Variants in HAPLN1 observed in about 807,000 individuals in gnomAD.
HAPLN1 encodes hyaluronan and proteoglycan link protein 1, also known as Cartilage link protein.
Under a neutral mutation model 36.5 loss-of-function variants are expected in HAPLN1, and 13 were observed. The ratio of observed to expected loss-of-function variants is 0.36; its 90% CI spans 0.23 to 0.57. The LOEUF is 0.57. HAPLN1 is among the 20% of genes least tolerant of loss of function. HAPLN1 has a pLI of 0.83. For synonymous variants in HAPLN1, 202 were observed against 169.8 expected (o/e 1.19, Z -1.48); for missense variants, 407 against 439.7 (o/e 0.93, Z 0.66).
At position 83,648,395 on chromosome 5, in the gene HAPLN1, CTATATATA is replaced by C. The variant is rs56115447; in HGVS notation, c.473-3738_473-3731del. 4.0e-3 allele frequency among the ~76,000 whole-genome samples: 242 copies of C among 60,660 alleles called. 1 individual carries two copies. Among genetic ancestry groups the C allele is most frequent in the East Asian group, 0.014 (14 of 1,006 alleles). The allele number at this position is 60,660 out of a possible 152,430, so 39.8% of individuals were successfully genotyped here. The stretch of plus-strand genomic sequence containing the variant: ...GGATGTGGCCTCTTCCTATATTTGA[CTATATATA>C]TATATATATATATATATATATATAT... On this transcript the variant is annotated intron_variant, in intron 3 of 4. Transcript: ENST00000274341.
intron 1 of HAPLN1, among the ~76,000 whole-genome samples, chr5:83,715,847 A>G (rs1488491925): frequency 6.6e-6 from 1 of 152,186 alleles, no homozygotes; most frequent in Non-Finnish European, 1.5e-5. Flanking sequence ...TAATACCAAA[A>G]CTATGAGGCC....
chr5:83,700,523 A>G (rs146130318), intron 1 of HAPLN1, among the ~76,000 whole-genome samples: 21 of 152,284 alleles, frequency 1.4e-4, no homozygotes, highest in African/African-American at 4.8e-4. Context: ...AATTTTGCAA[A>G]TGAGGAGAAA....
At chr5:83,676,870 A>G (rs928639837) in intron 1 of HAPLN1, among the ~76,000 whole-genome samples, 1 of 152,210 alleles carries the variant, frequency 6.6e-6, no homozygotes. Context: ...AGATGAATCC[A>G]AACTGAAATG....
chr5:83,720,002 C>A (rs556233394), intron 1 of HAPLN1, among the ~76,000 whole-genome samples: 1 of 152,282 alleles, frequency 6.6e-6, no homozygotes, highest in South Asian at 2.1e-4. Flanking sequence ...AACTTATTCT[C>A]AAATTAATAA....
At chr5:83,712,306 T>C (rs759203932) in intron 1 of HAPLN1, among the ~76,000 whole-genome samples, 1 of 152,138 alleles carries the variant, frequency 6.6e-6, no homozygotes, top group Non-Finnish European at 1.5e-5. Context: ...GAATGTATGG[T>C]CCTTAATTTA....
At chr5:83,696,962 A>G (rs1226442129) in intron 1 of HAPLN1, among the ~76,000 whole-genome samples, 1 of 152,144 alleles carries the variant, frequency 6.6e-6, no homozygotes, top group Non-Finnish European at 1.5e-5. Context: ...ACATTCCTCA[A>G]GTTGTGCAAC....
intron 1 of HAPLN1, among the ~76,000 whole-genome samples, chr5:83,710,313 C>A (rs967516407): frequency 6.6e-6 from 1 of 152,092 alleles, no homozygotes; most frequent in South Asian, 2.1e-4. Flanking sequence ...GATAGATTAA[C>A]CATAGAAGCC....
rs1749614941 is a variant in HAPLN1 at position 83,639,372 on chromosome 5, C to T, written c.*2124G>A. 2.6e-5 allele frequency: 4 copies of T among 151,976 alleles called. No homozygotes were observed. In the South Asian group the frequency reaches 8.3e-4, roughly 31 times the overall value. 9.4% of individuals were successfully genotyped at this position (151,976 alleles called of 1,614,324 possible). ...CAGAGATTTTGATCAGCACCAATTC[C>T]TATAGTAGTAAGTATTTAAAAGTTA... On this transcript the variant is annotated 3_prime_UTR_variant, in exon 5 of 5. Coordinates refer to ENST00000274341, the MANE Select transcript of HAPLN1 (RefSeq NM_001884.4).
At chr5:83,694,326 C>T (rs1751344720) in intron 1 of HAPLN1, among the ~76,000 whole-genome samples, 2 of 151,778 alleles carry the variant, frequency 1.3e-5, no homozygotes, top group Admixed American at 6.6e-5. Context: ...CCCCTAAACA[C>T]GTATTAGAGA....
At chr5:83,643,614 T>C (rs1749768889) in intron 4 of HAPLN1, among the ~76,000 whole-genome samples, 1 of 152,098 alleles carries the variant, frequency 6.6e-6, no homozygotes, top group Non-Finnish European at 1.5e-5. Flanking sequence ...TTTTTCTTTT[T>C]ATTTATTTAT....
At chr5:83,713,311 C>T (rs1352345114) in intron 1 of HAPLN1, among the ~76,000 whole-genome samples, 1 of 152,102 alleles carries the variant, frequency 6.6e-6, no homozygotes, top group Non-Finnish European at 1.5e-5. Context: ...TGTCTGGCAC[C>T]TTCTATATGC....
At chr5:83,683,344 T>C (rs1234519460) in intron 1 of HAPLN1, among the ~76,000 whole-genome samples, 2 of 152,184 alleles carry the variant, frequency 1.3e-5, no homozygotes, top group African/African-American at 2.4e-5. Flanking sequence ...TGAAGTATTA[T>C]GGTAGTGAGG....
intron 1 of HAPLN1, among the ~76,000 whole-genome samples, chr5:83,716,382 C>T (rs1751912484): frequency 6.6e-6 from 1 of 152,124 alleles, no homozygotes; most frequent in African/African-American, 2.4e-5. Context: ...GTTATTTTTA[C>T]TCTGAATTTT....
intron 1 of HAPLN1, among the ~76,000 whole-genome samples, chr5:83,694,104 T>C (rs1207864378): frequency 1.3e-5 from 2 of 151,928 alleles, no homozygotes; most frequent in Non-Finnish European, 1.5e-5. Flanking sequence ...ATATATTCCC[T>C]AAGTATAGAA....
intron 3 of HAPLN1, among the ~76,000 whole-genome samples, chr5:83,651,019 T>A (rs749286262): frequency 3.9e-5 from 6 of 152,232 alleles, no homozygotes; most frequent in Non-Finnish European, 7.3e-5. Flanking sequence ...TATTTATTTT[T>A]ATTATTTCCT....
At chr5:83,689,446 C>T (rs1458363524) in intron 1 of HAPLN1, among the ~76,000 whole-genome samples, 1 of 132,396 alleles carries the variant, frequency 7.6e-6, no homozygotes, top group African/African-American at 2.6e-5. Context: ...TAATAAAAGG[C>T]CTTATAACTG....
At chr5:83,676,985 A>T (rs745798754) in intron 1 of HAPLN1, among the ~76,000 whole-genome samples, 13 of 152,196 alleles carry the variant, frequency 8.5e-5, no homozygotes, top group Non-Finnish European at 1.3e-4. Flanking sequence ...TCCAATGTGA[A>T]AGAGTAATAG....
chr5:83,671,848 G>A (rs920706548), intron 2 of HAPLN1, among the ~76,000 whole-genome samples: 1 of 152,166 alleles, frequency 6.6e-6, no homozygotes, highest in Non-Finnish European at 1.5e-5. Flanking sequence ...TTAAAATGAA[G>A]TGGACTATCA....
intron 1 of HAPLN1, among the ~76,000 whole-genome samples, chr5:83,689,589 A>G (rs372455806): frequency 1.3e-4 from 20 of 152,252 alleles, no homozygotes; most frequent in African/African-American, 4.3e-4. Flanking sequence ...CTGCAGTGGA[A>G]TGATAATATC....
Sources: gnomAD v4.1 joint callset for allele counts (sites outside exome capture counted in the v4.1 genomes callset) on GRCh38, gnomAD v4.1.1 for gene constraint, MANE v1.5 for transcripts, NCBI Gene and HGNC (gene_info 2026-07-23, HGNC 2026-07-21) for gene names.